Variants in MGAT5B observed in about 807,000 individuals in gnomAD.
MGAT5B encodes the protein N-acetylglucosaminyl-transferase Vb.
Under a neutral mutation model 95.1 loss-of-function variants are expected in MGAT5B, and 54 were observed. The ratio of observed to expected loss-of-function variants is 0.57; its 90% CI spans 0.46 to 0.71. The LOEUF (loss-of-function observed/expected upper bound fraction) is 0.71. MGAT5B is among the 30% of genes least tolerant of loss of function. MGAT5B has a pLI of 0.00. For synonymous variants in MGAT5B, 464 were observed against 451.0 expected, an observed-to-expected ratio of 1.03 and a Z score of -0.36; for missense variants, 935 against 1,088.6, an observed-to-expected ratio of 0.86 and a Z score of 1.99.
At position 76,905,459 on chromosome 17, in the gene MGAT5B, G is replaced by C. The variant is rs1032167474; in HGVS notation, c.855+126G>C. 5 of 902,378 alleles carry C rather than the reference G, an allele frequency of 5.5e-6. No homozygotes were observed. The African/African-American group carries it at 8.4e-5, about 15-fold the overall frequency. 55.9% of individuals were successfully genotyped at this position (902,378 alleles called of 1,614,324 possible). ...TTCTGAATTTGATCAGAGGGAGAGA[G>C]GGGTAGGGATGGCAGAGTCGGGATA... is the stretch of plus-strand genomic sequence containing the variant. On this transcript the variant is annotated intron_variant, in intron 7 of 17. Transcript: ENST00000569840. This position sits in a 1 kb window ranked among gnomAD's most constrained non-coding sequence, Gnocchi z 4.2.
At chr17:76,934,606 G>A (rs1031855456) in intron 12 of MGAT5B, among the ~76,000 whole-genome samples, 2 of 152,168 alleles carry the variant, frequency 1.3e-5, no homozygotes, top group Admixed American at 6.5e-5. Context: ...GGAGAAGAGG[G>A]CAGAGTCGGA....
rs1167784546 is a variant in MGAT5B at position 76,869,174 on chromosome 17, T to A, written c.68+77T>A. On this transcript the variant is annotated intron_variant, in intron 1 of 17. Transcript: ENST00000569840. The surrounding 1 kb of genome is among the most constrained non-coding windows in gnomAD (Gnocchi z 7.0). The stretch of plus-strand genomic sequence containing the variant: ...TGGGCGAGGTCGGTTCCTGCGAACG[T>A]TCAAGTCCTGGTGGCAGAGGGGGCG... The A allele has an allele frequency of 3.8e-6, 5 of 1,313,792 alleles. No individual in the cohort carries two copies. Among genetic ancestry groups the A allele is most frequent in the African/African-American group, 1.5e-5 (1 of 68,800 alleles). The allele number at this position is 1,313,792 out of a possible 1,614,324, so 81.4% of individuals were successfully genotyped here.
At position 76,940,599 on chromosome 17, in the gene MGAT5B, C is replaced by T. The variant is rs1194934346; in HGVS notation, c.1731+51C>T. On this transcript the variant is annotated intron_variant, in intron 14 of 17. Coordinates refer to ENST00000569840, the MANE Select transcript of MGAT5B (RefSeq NM_001199172.2). The surrounding 1 kb of genome is among the most constrained non-coding windows in gnomAD (Gnocchi z 4.3). ...GATCAGGAGGGGCCGGGACAGAGAC[C>T]CCTGCAGGTCCTGGAAGAGGCAGAC... 4 of 1,585,524 alleles carry T rather than the reference C, an allele frequency of 2.5e-6. No homozygotes were observed. Among genetic ancestry groups the T allele is most frequent in the Non-Finnish European group, 3.4e-6 (4 of 1,162,138 alleles).
chr17:76,926,771 C>T (rs201291853), intron 10 of MGAT5B, 41 bp downstream of exon 10: 18 of 1,603,618 alleles, frequency 1.1e-5, no homozygotes, highest in Admixed American at 3.4e-5. Context: ...GGAGGTCCTC[C>T]TCATGGTTCT....
At position 76,915,712 on chromosome 17, in the gene MGAT5B, T is replaced by C. The variant is rs1023757166; in HGVS notation, c.1026-9254T>C. ...CTAGACTTGTGAATGGCAGCTCTCC[T>C]GCATCACCCTCCCCGTTCCAAGAGG... On this transcript the variant is annotated intron_variant, in intron 8 of 17. Transcript: ENST00000569840. The surrounding 1 kb of genome is among the most constrained non-coding windows in gnomAD (Gnocchi z 8.7). Among the ~76,000 whole-genome samples, 19 of 152,216 alleles carry C rather than the reference T, an allele frequency of 1.2e-4. No homozygotes were observed. The highest frequency in any genetic ancestry group is 1.1e-3 in the Admixed American group (17 of 15,280).
In MGAT5B at chr17:76,905,359, G is replaced by T; in HGVS notation, c.855+26G>T. Reference sequence around the variant, plus strand: ...GTGCGTGGCCCCTGCCCCCTCATGTGCAGGAGCTGAGAAAGCTCAGGGCCC... The same window carrying T: ...GTGCGTGGCCCCTGCCCCCTCATGTTCAGGAGCTGAGAAAGCTCAGGGCCC... On this transcript the variant is annotated intron_variant, in intron 7 of 17. Transcript: ENST00000569840. The surrounding 1 kb of genome is among the most constrained non-coding windows in gnomAD (Gnocchi z 4.2). 3 of 1,549,424 alleles carry T rather than the reference G, an allele frequency of 1.9e-6. No homozygotes were observed. Among genetic ancestry groups the T allele is most frequent in the Non-Finnish European group, 2.6e-6 (3 of 1,144,908 alleles).
chr17:76,934,547 G>A (rs1044591370), intron 12 of MGAT5B, among the ~76,000 whole-genome samples: 11 of 152,302 alleles, frequency 7.2e-5, no homozygotes, highest in Admixed American at 3.3e-4. Context: ...TCCCCATGCC[G>A]ATTGCCACAG....
intron 8 of MGAT5B, among the ~76,000 whole-genome samples, chr17:76,908,272 C>CTTTTTTTTTTTTTTTTTT (rs34430112): frequency 7.8e-6 from 1 of 128,274 alleles, no homozygotes; most frequent in African/African-American, 3.0e-5. Flanking sequence ...CTCTTTCTTT[C>CTTTTTTTTTTTTTTTTTT]TTCTTTTTTT....
chr17:76,902,616 A>T lies in MGAT5B; in HGVS notation c.391A>T (p.Ile131Phe). The change falls in exon 4 of 18, where the codon ATC (isoleucine) becomes TTC (phenylalanine). Residue 131 changes from isoleucine (I) to phenylalanine (F), a missense_variant. Coordinates refer to ENST00000569840, the MANE Select transcript of MGAT5B (RefSeq NM_001199172.2). ...GGCTATTGCCCAGAACGTCTCCGAC[A>T]TCGCTGTGAAGGTGGACCAGATCCT... ...IQAIAQNVSDIAVKVDQILRH... is the reference protein window; with the variant it reads ...IQAIAQNVSDFAVKVDQILRH... The T allele has an allele frequency of 1.2e-6, 2 of 1,604,418 alleles. No homozygotes were observed. Among genetic ancestry groups the T allele is most frequent in the Non-Finnish European group, 8.5e-7 (1 of 1,175,306 alleles).
Position 76,940,442 on chromosome 17 carries a change from C to A in MGAT5B, c.1625C>A (p.Pro542His). The change falls in exon 14 of 18, where the codon CCC becomes CAC. Residue 542 changes from proline to histidine, a missense_variant. Around this residue, in one of 4 missense-constraint regions of MGAT5B, gnomAD observed 440 missense variants for 523.6 expected, o/e 0.84. Transcript: ENST00000569840. The surrounding 1 kb of genome is among the most constrained non-coding windows in gnomAD (Gnocchi z 4.3). ...GFGFPYEGPA[P>H]LEAIANGCIF... ...GGCTTCCCCTACGAGGGCCCCGCCC[C>A]CCTGGAGGCCATCGCCAATGGTTGC... 6.2e-7 allele frequency: 1 copy of A among 1,613,614 alleles called. No homozygotes were observed. The highest frequency in any genetic ancestry group is 1.1e-5 in the South Asian group (1 of 90,956).
Position 76,915,332 on chromosome 17 carries a change from G to A in MGAT5B, c.1025+9145G>A, listed in dbSNP as rs540078708. 1.1e-4 allele frequency among the ~76,000 whole-genome samples: 16 copies of A among 151,974 alleles called. No individual in the cohort carries two copies. The highest frequency in any genetic ancestry group is 3.1e-4 in the African/African-American group (13 of 41,436). The stretch of plus-strand genomic sequence containing the variant: ...GGTATACTGTAAATGCAGCGGGGTG[G>A]GGGGCCTGGGCTGGGGGCCGGGGAT... On this transcript the variant is annotated intron_variant, in intron 8 of 17. Coordinates refer to ENST00000569840, the MANE Select transcript of MGAT5B (RefSeq NM_001199172.2). This position sits in a 1 kb window ranked among gnomAD's most constrained non-coding sequence, Gnocchi z 8.7.
chr17:76,880,490 T>G (rs1431791291), intron 2 of MGAT5B, among the ~76,000 whole-genome samples: 2 of 152,168 alleles, frequency 1.3e-5, no homozygotes, highest in Non-Finnish European at 2.9e-5. Context: ...GCCCCGGTGA[T>G]GCAGAAGCCG....
In MGAT5B at chr17:76,869,108, C is replaced by G; in HGVS notation, c.68+11C>G. 6.2e-7 allele frequency: 1 copy of G among 1,613,898 alleles called. No homozygotes were observed. Among genetic ancestry groups the G allele is most frequent in the South Asian group, 1.1e-5 (1 of 91,084 alleles). The stretch of plus-strand genomic sequence containing the variant: ...CCTGAGACCCTTTCGGTAAAGTTCC[C>G]TCCTGGTTGGTTTTTTCCCCAGGGG... On this transcript the variant is annotated intron_variant, in intron 1 of 17. Transcript: ENST00000569840. This position sits in a 1 kb window ranked among gnomAD's most constrained non-coding sequence, Gnocchi z 7.0.
chr17:76,890,414 G>T (rs1285854978), intron 3 of MGAT5B, among the ~76,000 whole-genome samples: 1 of 152,214 alleles, frequency 6.6e-6, no homozygotes, highest in Non-Finnish European at 1.5e-5. Flanking sequence ...TCTAAGTATA[G>T]GTATACCTGT....
chr17:76,872,157 C>T (rs1967033098), intron 1 of MGAT5B, among the ~76,000 whole-genome samples: 1 of 152,110 alleles, frequency 6.6e-6, no homozygotes, highest in African/African-American at 2.4e-5. Context: ...GGCTGATGAC[C>T]CTGGGCGTGC....
chr17:76,912,750 C>T lies in MGAT5B; in HGVS notation c.1025+6563C>T, dbSNP rs753724445. On this transcript the variant is annotated intron_variant, in intron 8 of 17. Coordinates refer to ENST00000569840, the MANE Select transcript of MGAT5B (RefSeq NM_001199172.2). This position sits in a 1 kb window ranked among gnomAD's most constrained non-coding sequence, Gnocchi z 5.0. ...AGGGAGGTGGCACGAGGGAGCCGTG[C>T]GCTCTGTGATGAGACTGCAGCAAGG... Among the ~76,000 whole-genome samples, 2 of 152,094 alleles carry T rather than the reference C, an allele frequency of 1.3e-5. No individual in the cohort carries two copies. Among genetic ancestry groups the T allele is most frequent in the African/African-American group, 2.4e-5 (1 of 41,396 alleles).
chr17:76,934,725 C>T (rs941237356), intron 12 of MGAT5B, among the ~76,000 whole-genome samples: 9 of 152,172 alleles, frequency 5.9e-5, no homozygotes, highest in Non-Finnish European at 1.0e-4. Context: ...TTATCTCTAG[C>T]GCTGGAACTT....
In MGAT5B at chr17:76,925,087, A is replaced by G; in HGVS notation, c.1147A>G (p.Lys383Glu). 6.2e-7 allele frequency: 1 copy of G among 1,610,844 alleles called. No homozygotes were observed. Among genetic ancestry groups the G allele is most frequent in the East Asian group, 2.2e-5 (1 of 44,708 alleles). The change falls in exon 9 of 18, where the codon AAG becomes GAG. Residue 383 changes from lysine (K) to glutamate (E), a missense_variant. Lys to Glu is a moderately conservative substitution (Grantham distance 56). Transcript: ENST00000569840. Reference protein sequence around the residue: ...QMKRHMGLSFKKYRCRIRVID... With the variant: ...QMKRHMGLSFEKYRCRIRVID... Reference sequence around the variant, plus strand: ...GAAGCGGCACATGGGACTCTCCTTCAAGAAGTACCGGTGAGAGGGCGGCCA... The same window carrying G: ...GAAGCGGCACATGGGACTCTCCTTCGAGAAGTACCGGTGAGAGGGCGGCCA...
chr17:76,945,634 G>A (rs1382072457), intron 15 of MGAT5B, among the ~76,000 whole-genome samples: 1 of 152,204 alleles, frequency 6.6e-6, no homozygotes, highest in Non-Finnish European at 1.5e-5. Context: ...CTGTTTGGGG[G>A]TTTGTGCCTG....
Sources: gnomAD v4.1 joint callset for allele counts (sites outside exome capture counted in the v4.1 genomes callset) on GRCh38, gnomAD v4.1.1 for gene constraint, gnomAD v4.1.1 regional missense constraint, Gnocchi (gnomAD v3.1) non-coding constraint, MANE v1.5 for transcripts, NCBI Gene and HGNC (gene_info 2026-07-23, HGNC 2026-07-21) for gene names.